The following DGKI variants were observed in gnomAD, a reference collection of about 807,000 sequenced individuals.
DGKI encodes diacylglycerol kinase iota.
A neutral mutation model predicts 147.5 loss-of-function variants in DGKI; 55 were observed. The ratio of observed to expected loss-of-function variants is 0.37; its 90% CI spans 0.30 to 0.47. The LOEUF is 0.47. Among genes scored for constraint, DGKI ranks in the 20% least tolerant of loss-of-function variants. The pLI is 1.00. For missense variants in DGKI, 1,007 were observed against 1,323.8 expected (o/e 0.76, Z 3.71); for synonymous variants, 469 against 477.1 (o/e 0.98, Z 0.22).
chr7:137,715,899 G>A (rs1211116626), intron 1 of DGKI, among the ~76,000 whole-genome samples: 1 of 152,268 alleles, frequency 6.6e-6, no homozygotes, highest in Middle Eastern at 3.4e-3. Flanking sequence ...TAAACAATCA[G>A]GTTCAAAGTG....
chr7:137,659,427 C>T (rs933371237), intron 3 of DGKI, among the ~76,000 whole-genome samples: 12 of 152,106 alleles, frequency 7.9e-5, no homozygotes, highest in African/African-American at 2.7e-4. Context: ...AATAAGCTTC[C>T]GGACAGAAAT....
intron 21 of DGKI, among the ~76,000 whole-genome samples, chr7:137,509,154 T>G (rs751116573): frequency 6.6e-6 from 1 of 152,210 alleles, no homozygotes; most frequent in Non-Finnish European, 1.5e-5. Flanking sequence ...TACAATGGGT[T>G]GGCAATTGAC....
chr7:137,569,200 G>A (rs1818695744), intron 19 of DGKI, among the ~76,000 whole-genome samples: 1 of 152,062 alleles, frequency 6.6e-6, no homozygotes, highest in Non-Finnish European at 1.5e-5. Flanking sequence ...TTGATCCTAA[G>A]AGCAATGGGG....
chr7:137,534,080 C>G (rs760549980), intron 20 of DGKI, among the ~76,000 whole-genome samples: 4 of 152,052 alleles, frequency 2.6e-5, no homozygotes, highest in African/African-American at 4.8e-5. Flanking sequence ...TAAATTGAAG[C>G]CCTCCTACAA....
At chr7:137,654,931 C>T in intron 4 of DGKI, 143 bp from the exon 5 acceptor site, 1 of 576,596 alleles carries the variant, frequency 1.7e-6, no homozygotes, top group South Asian at 2.5e-5. Context: ...TCTTCTTAGT[C>T]TTTTGAAATC....
In DGKI at chr7:137,395,566, G is replaced by A. The variant is rs747398977; in HGVS notation, c.3057+32C>T. On this transcript the variant is annotated intron_variant, in intron 32 of 32. Coordinates refer to ENST00000614521, the MANE Select transcript of DGKI (RefSeq NM_001321708.2). ...AACAGCGCCTGCGATCTCGCCCAGC[G>A]GGAGGATGTTTGCACTCACTCATCG... 107 of 1,594,358 alleles carry A rather than the reference G, an allele frequency of 6.7e-5. No individual in the cohort carries two copies. The Admixed American group carries it at 1.2e-3, about 18-fold the overall frequency.
intron 1 of DGKI, among the ~76,000 whole-genome samples, chr7:137,808,002 C>T (rs539196745): frequency 6.6e-6 from 1 of 152,342 alleles, no homozygotes; most frequent in African/African-American, 2.4e-5. Flanking sequence ...TATTGATTCT[C>T]CTTTCATTCC....
At chr7:137,432,141 A>T (rs1211971506) in intron 28 of DGKI, among the ~76,000 whole-genome samples, 3 of 152,134 alleles carry the variant, frequency 2.0e-5, no homozygotes, top group Admixed American at 6.5e-5. Flanking sequence ...CATGATTGTA[A>T]GTTTCCTGAG....
intron 27 of DGKI, among the ~76,000 whole-genome samples, chr7:137,457,894 C>T (rs1477461226): frequency 6.6e-6 from 1 of 150,988 alleles, no homozygotes; most frequent in Non-Finnish European, 1.5e-5. Context: ...TTTAAATATT[C>T]ATCATTTCTA....
Position 137,383,013 on chromosome 7 carries a change from A to G in DGKI, c.*8207T>C, listed in dbSNP as rs1467752648. ...TGTTTCATGACACAAAGTTATAGAA[A>G]GTGCCTCCATGCCTCTGTATTGGCA... On this transcript the variant is annotated 3_prime_UTR_variant, in exon 33 of 33. Coordinates refer to ENST00000614521, the MANE Select transcript of DGKI (RefSeq NM_001321708.2). 1 of 151,928 alleles carries G rather than the reference A, an allele frequency of 6.6e-6. No individual in the cohort carries two copies. The highest frequency in any genetic ancestry group is 1.5e-5 in the Non-Finnish European group (1 of 67,926). 9.4% of individuals were successfully genotyped at this position (151,928 alleles called of 1,614,324 possible). A position where few individuals can be genotyped will look rare whatever the true frequency, so the allele number is the denominator to read the frequency against.
chr7:137,801,044 T>C (rs913105304), intron 1 of DGKI, among the ~76,000 whole-genome samples: 1 of 152,252 alleles, frequency 6.6e-6, no homozygotes, highest in African/African-American at 2.4e-5. Flanking sequence ...GCCCTTTCTG[T>C]AGAACAAGTG....
At chr7:137,424,418 C>T (rs911989951) in intron 28 of DGKI, among the ~76,000 whole-genome samples, 4 of 152,076 alleles carry the variant, frequency 2.6e-5, no homozygotes, top group Admixed American at 6.5e-5. Context: ...CCAAGGTGGC[C>T]GAATATGAAC....
intron 23 of DGKI, among the ~76,000 whole-genome samples, chr7:137,473,434 G>A (rs1043187217): frequency 6.6e-6 from 1 of 152,030 alleles, no homozygotes; most frequent in Admixed American, 6.5e-5. Context: ...CTATGTGTAT[G>A]TTCATTTTCC....
intron 29 of DGKI, among the ~76,000 whole-genome samples, chr7:137,411,058 T>C (rs1220258550): frequency 1.3e-5 from 2 of 152,242 alleles, no homozygotes. Context: ...ACAGGTGTCC[T>C]TCAGTTTGTC....
At position 137,381,528 on chromosome 7, in the gene DGKI, A is replaced by G. The variant is rs1277490014; in HGVS notation, c.*9692T>C. ...TACAGATGTAGCCTTTGCGAGTGGA[A>G]TACCCACAGCCAAGGGTACCCTGGA... On this transcript the variant is annotated 3_prime_UTR_variant, in exon 33 of 33. Transcript: ENST00000614521. 6.6e-6 allele frequency: 1 copy of G among 151,772 alleles called. No individual in the cohort carries two copies. The highest frequency in any genetic ancestry group is 1.5e-5 in the Non-Finnish European group (1 of 67,956). The allele number at this position is 151,772 out of a possible 1,614,324, so 9.4% of individuals were successfully genotyped here.
At chr7:137,444,393 GA>G (rs1438452333) in intron 27 of DGKI, among the ~76,000 whole-genome samples, 1 of 152,152 alleles carries the variant, frequency 6.6e-6, no homozygotes, top group African/African-American at 2.4e-5. Context: ...AGAACTCATA[GA>G]AATGTAGTAT....
rs529025009 is a variant in DGKI, at chr7:137,415,764, G to A, written c.2762-3557C>T. On this transcript the variant is annotated intron_variant, in intron 28 of 32. Transcript: ENST00000614521. ...CAGGAGGCCAAGGCAGGTGGATCAC[G>A]AGGTCAGGAGTTCAAGACCAGCCTG... 8.9e-4 allele frequency among the ~76,000 whole-genome samples: 136 copies of A among 152,198 alleles called. 2 individuals are homozygous for A. The highest frequency in any genetic ancestry group is 8.4e-3 in the Admixed American group (129 of 15,288).
intron 1 of DGKI, among the ~76,000 whole-genome samples, chr7:137,700,042 G>C (rs1374855318): frequency 1.3e-5 from 2 of 152,294 alleles, no homozygotes; most frequent in Non-Finnish European, 2.9e-5. Flanking sequence ...GATATAATGG[G>C]ATGTCTGTGG....
At position 137,387,548 on chromosome 7, in the gene DGKI, A is replaced by T. The variant is rs543091256; in HGVS notation, c.*3672T>A. 5.3e-5 allele frequency: 8 copies of T among 152,348 alleles called. No homozygotes were observed. The highest frequency in any genetic ancestry group is 1.0e-4 in the Non-Finnish European group (7 of 68,034). The allele number at this position is 152,348 out of a possible 1,614,324, so 9.4% of individuals were successfully genotyped here. ...AGTATACATACTTGCATGTGTATAT[A>T]AATAAATGTCTATATATGTGTGTAA... On this transcript the variant is annotated 3_prime_UTR_variant, in exon 33 of 33. Transcript: ENST00000614521.
Sources: allele counts gnomAD v4.1 joint callset (sites outside exome capture counted in the v4.1 genomes callset), GRCh38; gene constraint gnomAD v4.1.1; transcripts MANE v1.5; gene names NCBI Gene and HGNC (gene_info 2026-07-23, HGNC 2026-07-21).